FRY: variants seen among roughly 807,000 people sequenced by gnomAD.
The protein encoded by FRY is protein furry homolog.
Under a neutral mutation model 348.4 loss-of-function variants are expected in FRY, and 128 were observed. The ratio of observed to expected loss-of-function variants is 0.37; its 90% CI spans 0.32 to 0.43. The LOEUF is 0.43. Among genes scored for constraint, FRY ranks in the 20% least tolerant of loss-of-function variants. The pLI is 1.00. For synonymous variants in FRY, 1,370 were observed against 1,374.7 expected (o/e 1.00, Z 0.08); for missense variants, 2,736 against 3,695.2 (o/e 0.74, Z 6.73).
intron 36 of FRY, 42 bp downstream of exon 36, chr13:32,218,873 T>C: frequency 9.0e-7 from 1 of 1,113,338 alleles, no homozygotes; most frequent in Non-Finnish European, 1.4e-6. Context: ...GGAACGCAAG[T>C]GGTCAGAGGA....
Position 32,275,259 on chromosome 13 carries a change from G to T in FRY, c.8286+268G>T, listed in dbSNP as rs575312047. On this transcript the variant is annotated intron_variant, in intron 56 of 60. Coordinates refer to ENST00000542859, the MANE Select transcript of FRY (RefSeq NM_023037.3). ...AAAAATTAGCCGGGTGTAGTGGCAG[G>T]CGCCTGTAATCCCAGCTACTCGGGA... 9.5e-6 allele frequency: 3 copies of T among 314,204 alleles called. No individual in the cohort carries two copies. In the East Asian group the frequency reaches 2.1e-4, roughly 22 times the overall value. The allele number at this position is 314,204 out of a possible 1,614,324, so 19.5% of individuals were successfully genotyped here.
chr13:32,090,426 G>C (rs960700992), intron 2 of FRY, among the ~76,000 whole-genome samples: 1 of 151,148 alleles, frequency 6.6e-6, no homozygotes. Flanking sequence ...ACGATGAAAA[G>C]GTTTAAGCAT....
chr13:32,202,710 G>C (rs1003042254), intron 31 of FRY, among the ~76,000 whole-genome samples, 183 bp downstream of exon 31: 7 of 152,076 alleles, frequency 4.6e-5, no homozygotes, highest in African/African-American at 1.7e-4. Context: ...CAGCACTTTG[G>C]GAGGCCAAGG....
chr13:32,058,459 T>C (rs1040421579), intron 1 of FRY, among the ~76,000 whole-genome samples: 1 of 152,244 alleles, frequency 6.6e-6, no homozygotes. Flanking sequence ...AGGCATTCTC[T>C]TTCTATACTA....
chr13:32,292,239 TC>T (rs1196742497), intron 59 of FRY, among the ~76,000 whole-genome samples: 1 of 151,512 alleles, frequency 6.6e-6, no homozygotes, highest in African/African-American at 2.4e-5. Flanking sequence ...CCCGTTGGCC[TC>T]CCAAAGTGCT....
chr13:32,164,793 T>G (rs1049580500), intron 17 of FRY, among the ~76,000 whole-genome samples: 1 of 152,166 alleles, frequency 6.6e-6, no homozygotes, highest in Non-Finnish European at 1.5e-5. Context: ...TGTCTCCCCT[T>G]GGCAGCCGCC....
At chr13:32,165,596 G>A (rs1326736582) in intron 17 of FRY, among the ~76,000 whole-genome samples, 10 of 152,030 alleles carry the variant, frequency 6.6e-5, no homozygotes, top group South Asian at 2.1e-4. Context: ...CTTCCTCCAC[G>A]GCCCTTGTTG....
At chr13:32,294,323 C>T in intron 59 of FRY, 45 bp from the exon 60 acceptor site, 1 of 1,374,998 alleles carries the variant, frequency 7.3e-7, no homozygotes, top group Non-Finnish European at 1.0e-6. Flanking sequence ...TGTAAAATTC[C>T]CCCAGCACCT....
chr13:32,135,603 G>A (rs1879666393), intron 10 of FRY, among the ~76,000 whole-genome samples: 1 of 152,206 alleles, frequency 6.6e-6, no homozygotes, highest in South Asian at 2.1e-4. Flanking sequence ...AAGGAGTTGG[G>A]AAATAGACAG....
At position 32,295,182 on chromosome 13, in the gene FRY, G is replaced by A; in HGVS notation, c.8784-20G>A. On this transcript the variant is annotated intron_variant, in intron 60 of 60. Transcript: ENST00000542859. ...GTGACTAATAGTGCCTCTAATCTGT[G>A]CTGTTCTTTTTGACTGCAGAAGTCT... The A allele has an allele frequency of 6.2e-7, 1 of 1,612,850 alleles. No individual in the cohort carries two copies. The highest frequency in any genetic ancestry group is 8.5e-7 in the Non-Finnish European group (1 of 1,179,320).
At chr13:32,268,499 A>ATATATAT (rs61001159) in intron 55 of FRY, among the ~76,000 whole-genome samples, 5 of 15,978 alleles carry the variant, frequency 3.1e-4, no homozygotes, top group African/African-American at 7.2e-4. Context: ...AAAAAAAAAA[A>ATATATAT]AAAAAAATAT....
chr13:32,104,699 G>T (rs1877422636), intron 3 of FRY, among the ~76,000 whole-genome samples: 1 of 152,132 alleles, frequency 6.6e-6, no homozygotes, highest in African/African-American at 2.4e-5. Context: ...TCCTCGAATT[G>T]TAGCTCCCAT....
rs1887979431 is a variant in FRY, at chr13:32,267,430, G to A, written c.8136+71G>A. The A allele has an allele frequency of 9.8e-6, 13 of 1,327,600 alleles. No individual in the cohort carries two copies. The South Asian group carries it at 1.4e-4, about 14-fold the overall frequency. 82.2% of individuals were successfully genotyped at this position (1,327,600 alleles called of 1,614,324 possible). On this transcript the variant is annotated intron_variant, in intron 55 of 60. Coordinates refer to ENST00000542859, the MANE Select transcript of FRY (RefSeq NM_023037.3). ...AGCCGGGTAACTTTGAATTTAAGGAGAGGTTGTTCTTCTGTTCTGGGGTTA... is the reference window on the plus strand; with the variant it reads ...AGCCGGGTAACTTTGAATTTAAGGAAAGGTTGTTCTTCTGTTCTGGGGTTA...
chr13:32,075,221 G>C (rs1421209187), intron 1 of FRY, among the ~76,000 whole-genome samples: 1 of 152,024 alleles, frequency 6.6e-6, no homozygotes, highest in Non-Finnish European at 1.5e-5. Flanking sequence ...TTTTGAAATG[G>C]AAACCTTTGG....
intron 1 of FRY, among the ~76,000 whole-genome samples, chr13:32,063,451 C>T (rs1874063111): frequency 6.6e-6 from 1 of 152,076 alleles, no homozygotes. Flanking sequence ...GCCTTTTGAC[C>T]ATGACCCACA....
Position 32,092,906 on chromosome 13 carries a change from A to G in FRY, c.271-9057A>G, listed in dbSNP as rs7987847. Among the ~76,000 whole-genome samples the G allele has an allele frequency of 4.9e-3, 750 of 152,350 alleles. 6 individuals are homozygous for G. Among genetic ancestry groups the G allele is most frequent in the African/African-American group, 0.017 (708 of 41,580 alleles). ...ATAAGTTTTGAGAGTATCTTATGTC[A>G]TCTTTAAAAACGAGACATTGTAAGA... On this transcript the variant is annotated intron_variant, in intron 2 of 60. Coordinates refer to ENST00000542859, the MANE Select transcript of FRY (RefSeq NM_023037.3).
In FRY at chr13:32,124,588, C is replaced by T. The variant is rs372444652; in HGVS notation, c.556-14C>T. On this transcript the variant is annotated splice_polypyrimidine_tract_variant and intron_variant, in intron 5 of 60. Coordinates refer to ENST00000542859, the MANE Select transcript of FRY (RefSeq NM_023037.3). ...ATATTCCCTTCTGAGTTAAGAACCACCTTTTTTTTTCAGATTCCACTTCAT... is the reference window on the plus strand; with the variant it reads ...ATATTCCCTTCTGAGTTAAGAACCATCTTTTTTTTTCAGATTCCACTTCAT... The T allele has an allele frequency of 3.3e-6, 5 of 1,525,468 alleles. No homozygotes were observed. The African/African-American group carries it at 6.8e-5, about 21-fold the overall frequency. 94.5% of individuals were successfully genotyped at this position (1,525,468 alleles called of 1,614,324 possible). A position where few individuals can be genotyped will look rare whatever the true frequency, so the allele number is the denominator to read the frequency against.
intron 19 of FRY, among the ~76,000 whole-genome samples, chr13:32,175,065 A>G (rs1051180353): frequency 2.0e-5 from 3 of 152,236 alleles, no homozygotes; most frequent in East Asian, 3.8e-4. Flanking sequence ...TGTAGATACT[A>G]CAAAGAGTGT....
Position 32,254,270 on chromosome 13 carries a change from C to G in FRY, c.7292C>G (p.Thr2431Arg). ...GATCTGGATCTGCTTGAGCACCAGA[C>G]AAGCTTGGTATCTTCTGAGGACGGT... is the stretch of plus-strand genomic sequence containing the variant. ...CGDLDLLEHQ[T>R]SLVSSEDGAR... Residue 2431 changes from threonine (T) to arginine (R), a missense_variant, in exon 51 of 61, where the codon ACA becomes AGA. Coordinates refer to ENST00000542859, the MANE Select transcript of FRY (RefSeq NM_023037.3). The G allele has an allele frequency of 6.2e-7, 1 of 1,614,056 alleles. No individual in the cohort carries two copies. Among genetic ancestry groups the G allele is most frequent in the Non-Finnish European group, 8.5e-7 (1 of 1,179,982 alleles).
Sources: gnomAD v4.1 joint callset for allele counts (sites outside exome capture counted in the v4.1 genomes callset) on GRCh38, gnomAD v4.1.1 for gene constraint, MANE v1.5 for transcripts, NCBI Gene and HGNC (gene_info 2026-07-23, HGNC 2026-07-21) for gene names.